The following HEG1 variants were observed in gnomAD, a reference collection of about 807,000 sequenced individuals.
HEG1 encodes the protein protein HEG homolog 1.
HEG1 carries 56 observed loss-of-function variants against 125.6 expected under a neutral mutation model. The ratio of observed to expected loss-of-function variants is 0.45; its 90% CI spans 0.36 to 0.56. The LOEUF is 0.56. Ranked by LOEUF, HEG1 falls within the 20% of genes least tolerant of loss-of-function variation. The probability of loss-of-function intolerance (pLI) is 0.00; values close to 1 mark genes in which losing one functional copy is unlikely to be tolerated. For missense variants in HEG1, 1,523 were observed against 1,670.0 expected (o/e 0.91, Z 1.53); for synonymous variants, 644 against 668.5 (o/e 0.96, Z 0.57).
intron 3 of HEG1, among the ~76,000 whole-genome samples, chr3:125,025,466 G>GA (rs1231500252): frequency 1.6e-4 from 24 of 152,162 alleles, no homozygotes; most frequent in African/African-American, 5.5e-4. Flanking sequence ...TGAAAGATAC[G>GA]ATGAAACTCA....
chr3:124,967,403 A>G lies in HEG1; in HGVS notation c.*3249T>C, dbSNP rs1936334756. The G allele has an allele frequency of 6.6e-6, 1 of 152,010 alleles. No individual in the cohort carries two copies. Among genetic ancestry groups the G allele is most frequent in the Non-Finnish European group, 1.5e-5 (1 of 68,024 alleles). The allele number at this position is 152,010 out of a possible 1,614,324, so 9.4% of individuals were successfully genotyped here. A position where few individuals can be genotyped will look rare whatever the true frequency, so the allele number is the denominator to read the frequency against. On this transcript the variant is annotated 3_prime_UTR_variant, in exon 17 of 17. Transcript: ENST00000311127. ...ACTATTTTCTTAATGACAAGTGTCTAAGAATTACATATAAAAAACAATCTG... is the reference window on the plus strand; with the variant it reads ...ACTATTTTCTTAATGACAAGTGTCTGAGAATTACATATAAAAAACAATCTG...
intron 2 of HEG1, 81 bp from the exon 3 acceptor site, chr3:125,027,588 A>C: frequency 3.5e-6 from 4 of 1,133,358 alleles, no homozygotes; most frequent in Non-Finnish European, 5.0e-6. Context: ...CTCAGTTCTG[A>C]CATCTACAAA....
At position 125,043,188 on chromosome 3, in the gene HEG1, G is replaced by A. The variant is rs558137692; in HGVS notation, c.316+12387C>T. The stretch of plus-strand genomic sequence containing the variant: ...CTACCTCCCCTCCCTGTGAGGGGTC[G>A]GCTCTTGTTCAGCTGAGCATTCTCT... On this transcript the variant is annotated intron_variant, in intron 1 of 16. Coordinates refer to ENST00000311127, the MANE Select transcript of HEG1 (RefSeq NM_020733.2). Among the ~76,000 whole-genome samples, 299 of 152,326 alleles carry A rather than the reference G, an allele frequency of 2.0e-3. 2 individuals are homozygous for A. The highest frequency in any genetic ancestry group is 6.5e-3 in the African/African-American group (269 of 41,584).
intron 1 of HEG1, among the ~76,000 whole-genome samples, chr3:125,047,227 A>G (rs973224107): frequency 6.6e-6 from 1 of 152,244 alleles, no homozygotes; most frequent in African/African-American, 2.4e-5. Context: ...AATGCCTGGA[A>G]GGCAAGGTGC....
intron 14 of HEG1, among the ~76,000 whole-genome samples, chr3:124,988,604 G>A (rs1936781836): frequency 6.6e-6 from 1 of 152,056 alleles, no homozygotes; most frequent in Non-Finnish European, 1.5e-5. Flanking sequence ...ACACCACTCA[G>A]GGCTGCAGGT....
chr3:124,972,671 A>G (rs1449304160), intron 16 of HEG1, among the ~76,000 whole-genome samples: 1 of 152,210 alleles, frequency 6.6e-6, no homozygotes, highest in East Asian at 1.9e-4. Flanking sequence ...ACAGCTCCAC[A>G]TGGCACGAGA....
chr3:124,984,036 G>A (rs1435373589), intron 14 of HEG1, among the ~76,000 whole-genome samples: 1 of 152,142 alleles, frequency 6.6e-6, no homozygotes, highest in Admixed American at 6.6e-5. Context: ...AAGCAGTTTA[G>A]TGCTGTCTTC....
intron 1 of HEG1, among the ~76,000 whole-genome samples, chr3:125,037,863 T>C (rs1456920184): frequency 6.6e-6 from 1 of 152,240 alleles, no homozygotes; most frequent in African/African-American, 2.4e-5. Context: ...CCCTATGATC[T>C]TAAGTGAGAT....
At chr3:124,987,952 C>CACACACACACACACACACACATATATAT in intron 14 of HEG1, among the ~76,000 whole-genome samples, 10 of 54,696 alleles carry the variant, frequency 1.8e-4, no homozygotes, top group Non-Finnish European at 2.8e-4. Flanking sequence ...CACACACACA[C>CACACACACACACACACACACATATATAT]ATATATATAT....
chr3:125,046,400 C>T (rs200910591), intron 1 of HEG1, among the ~76,000 whole-genome samples: 2 of 25,252 alleles, frequency 7.9e-5, no homozygotes, highest in Non-Finnish European at 1.5e-4. Context: ...TATACACATA[C>T]ACACACACAC....
chr3:124,965,711 G>A lies in HEG1; in HGVS notation c.*4941C>T, dbSNP rs1382859731. 1 of 152,134 alleles carries A rather than the reference G, an allele frequency of 6.6e-6. No homozygotes were observed. The highest frequency in any genetic ancestry group is 2.4e-5 in the African/African-American group (1 of 41,430). The allele number at this position is 152,134 out of a possible 1,614,324, so 9.4% of individuals were successfully genotyped here. On this transcript the variant is annotated 3_prime_UTR_variant, in exon 17 of 17. Transcript: ENST00000311127. ...TGTTATTAAGAGGAAAACACACAAT[G>A]AAAATGATATTAATTTTATTGCATC...
intron 1 of HEG1, among the ~76,000 whole-genome samples, chr3:125,051,805 T>G (rs1937812011): frequency 6.6e-6 from 1 of 152,228 alleles, no homozygotes; most frequent in Admixed American, 6.5e-5. Flanking sequence ...ATCTGTTCTT[T>G]GCTTTCTTTC....
chr3:124,977,974 A>T (rs1300857707), intron 14 of HEG1, 28 bp from the exon 15 acceptor site: 8 of 1,502,078 alleles, frequency 5.3e-6, no homozygotes, highest in Non-Finnish European at 6.3e-6. Flanking sequence ...AAAAAAGCAT[A>T]TTGGCTGGAG....
intron 14 of HEG1, among the ~76,000 whole-genome samples, chr3:124,979,498 A>G (rs891727706): frequency 1.3e-5 from 2 of 152,238 alleles, no homozygotes; most frequent in Admixed American, 1.3e-4. Flanking sequence ...TAAAAGCTTT[A>G]ATTAATTGCT....
chr3:124,970,901 C>G (rs1287702963), intron 16 of HEG1, 100 bp from the exon 17 acceptor site: 5 of 1,032,698 alleles, frequency 4.8e-6, no homozygotes, highest in Non-Finnish European at 7.2e-6. Context: ...AAGAAAAGAT[C>G]TGGGTTTATC....
chr3:125,028,346 C>T (rs376968639), intron 2 of HEG1, among the ~76,000 whole-genome samples: 12 of 152,206 alleles, frequency 7.9e-5, no homozygotes, highest in African/African-American at 2.9e-4. Context: ...CCGTGATTGT[C>T]CCTAACCCCG....
intron 5 of HEG1, among the ~76,000 whole-genome samples, chr3:125,017,609 T>G (rs182537145): frequency 6.6e-6 from 1 of 152,162 alleles, no homozygotes; most frequent in African/African-American, 2.4e-5. Context: ...TCAGAACACT[T>G]GTACACAGCT....
At chr3:125,002,341 T>C (rs1210046313) in intron 9 of HEG1, 26 bp from the exon 10 acceptor site, 1 of 1,598,904 alleles carries the variant, frequency 6.3e-7, no homozygotes, top group Non-Finnish European at 8.6e-7. Context: ...AGCCTGTCGT[T>C]AACAGTGAGT....
intron 1 of HEG1, among the ~76,000 whole-genome samples, chr3:125,033,548 C>T (rs1426580095): frequency 6.6e-6 from 1 of 152,198 alleles, no homozygotes; most frequent in Admixed American, 6.5e-5. Flanking sequence ...AATCACAAAG[C>T]TAGCCCTCGT....
Sources: gnomAD v4.1 joint callset for allele counts (sites outside exome capture counted in the v4.1 genomes callset) on GRCh38, gnomAD v4.1.1 for gene constraint, MANE v1.5 for transcripts, NCBI Gene and HGNC (gene_info 2026-07-23, HGNC 2026-07-21) for gene names.